The following ULK4 variants were observed in gnomAD, a reference collection of about 807,000 sequenced individuals.
ULK4 encodes inactive serine/threonine-protein kinase ULK4.
ULK4 carries 133 observed loss-of-function variants against 160.6 expected under a neutral mutation model. That is an observed-to-expected ratio of 0.83 (90% confidence interval 0.72 to 0.96). The LOEUF is 0.96. ULK4 is among the 40% of genes least tolerant of loss of function. The pLI, the probability that ULK4 is intolerant of heterozygous loss-of-function variation, is 0.00. For missense variants in ULK4, 1,580 were observed against 1,499.5 expected, an observed-to-expected ratio of 1.05 and a Z score of -0.89; for synonymous variants, 534 against 539.8, an observed-to-expected ratio of 0.99 and a Z score of 0.15.
chr3:41,825,117 G>A (rs560739092), intron 18 of ULK4, among the ~76,000 whole-genome samples: 2 of 152,240 alleles, frequency 1.3e-5, no homozygotes, highest in African/African-American at 2.4e-5. Flanking sequence ...TCTGTTAGAA[G>A]GAAAACTAAC....
chr3:41,408,901 T>C (rs554380670), intron 34 of ULK4, among the ~76,000 whole-genome samples: 50 of 152,050 alleles, frequency 3.3e-4, no homozygotes, highest in Admixed American at 6.5e-4. Flanking sequence ...ACTGGACATA[T>C]AAAAAAATGA....
At chr3:41,272,756 A>G (rs984318130) in intron 35 of ULK4, among the ~76,000 whole-genome samples, 1 of 152,154 alleles carries the variant, frequency 6.6e-6, no homozygotes, top group Admixed American at 6.5e-5. Context: ...TAGGACACTT[A>G]AAGTTATCCA....
chr3:41,643,443 T>C (rs541017215), intron 30 of ULK4, among the ~76,000 whole-genome samples: 5 of 152,350 alleles, frequency 3.3e-5, no homozygotes, highest in South Asian at 2.1e-4. Context: ...ATTTATTAAA[T>C]AGGAAATCCT....
intron 16 of ULK4, among the ~76,000 whole-genome samples, chr3:41,885,749 C>A (rs773265390): frequency 2.4e-4 from 37 of 151,770 alleles, no homozygotes; most frequent in Non-Finnish European, 3.1e-4. Flanking sequence ...GTGGTGCAAT[C>A]TCCGCTCACT....
chr3:41,781,331 G>A (rs1575698710), intron 21 of ULK4, among the ~76,000 whole-genome samples: 1 of 151,146 alleles, frequency 6.6e-6, no homozygotes, highest in African/African-American at 2.4e-5. Context: ...GCAGGAGAAT[G>A]GCGTGAACCC....
At chr3:41,308,529 T>C (rs1378190136) in intron 35 of ULK4, among the ~76,000 whole-genome samples, 2 of 151,836 alleles carry the variant, frequency 1.3e-5, no homozygotes, top group African/African-American at 4.8e-5. Context: ...CTGGAAATAT[T>C]TGAAAGAAAA....
intron 25 of ULK4, among the ~76,000 whole-genome samples, chr3:41,712,212 G>C (rs2037122311): frequency 6.6e-6 from 1 of 152,144 alleles, no homozygotes; most frequent in South Asian, 2.1e-4. Flanking sequence ...AATGTCTGTA[G>C]GTCAAATAGG....
At chr3:41,277,726 T>C (rs899115036) in intron 35 of ULK4, 3 of 152,202 alleles carry the variant, frequency 2.0e-5, no homozygotes, top group Non-Finnish European at 4.4e-5. Context: ...CTCTTCAGCA[T>C]AGTACTGGAA....
rs577275405 is a variant in ULK4 at position 41,505,589 on chromosome 3, A to G, written c.3227-42336T>C. On this transcript the variant is annotated intron_variant, in intron 32 of 36. Coordinates refer to ENST00000301831, the MANE Select transcript of ULK4 (RefSeq NM_017886.4). ...AAATTAAATCATCTTTAAATTTTTT[A>G]CTGATTTATAATTGGCAGAAACCAG... Among the ~76,000 whole-genome samples, 50 of 152,252 alleles carry G rather than the reference A, an allele frequency of 3.3e-4. 1 individual carries two copies. Among genetic ancestry groups the G allele is most frequent in the African/African-American group, 1.2e-3 (48 of 41,568 alleles).
At chr3:41,524,927 ACT>A (rs1450300579) in intron 32 of ULK4, among the ~76,000 whole-genome samples, 2 of 152,040 alleles carry the variant, frequency 1.3e-5, no homozygotes. Flanking sequence ...ATAGAGCAAG[ACT>A]CTGTCTCCAA....
intron 35 of ULK4, among the ~76,000 whole-genome samples, chr3:41,385,743 G>C (rs779199423): frequency 6.6e-6 from 1 of 152,076 alleles, no homozygotes; most frequent in Non-Finnish European, 1.5e-5. Flanking sequence ...TGTGTAGTTG[G>C]AAAAACACAA....
At chr3:41,882,882 G>A (rs1192143953) in intron 17 of ULK4, among the ~76,000 whole-genome samples, 4 of 152,054 alleles carry the variant, frequency 2.6e-5, no homozygotes, top group Non-Finnish European at 5.9e-5. Flanking sequence ...TGGTAATACT[G>A]CCCTAGATGC....
At chr3:41,540,253 T>C (rs1250953018) in intron 32 of ULK4, among the ~76,000 whole-genome samples, 2 of 150,424 alleles carry the variant, frequency 1.3e-5, no homozygotes, top group Non-Finnish European at 3.0e-5. Context: ...GCGTTCGCAT[T>C]GTTCAACTCC....
intron 20 of ULK4, among the ~76,000 whole-genome samples, chr3:41,791,140 T>C (rs982805340): frequency 6.6e-6 from 1 of 152,234 alleles, no homozygotes; most frequent in African/African-American, 2.4e-5. Context: ...AAAAACCTTT[T>C]TCTCTCCAAG....
intron 35 of ULK4, among the ~76,000 whole-genome samples, chr3:41,281,143 C>T (rs1457338121): frequency 6.6e-6 from 1 of 152,130 alleles, no homozygotes; most frequent in Admixed American, 6.6e-5. Flanking sequence ...ATAACAGGTT[C>T]TGAAATTGAG....
chr3:41,622,520 T>C (rs2125692615), intron 30 of ULK4, among the ~76,000 whole-genome samples: 3 of 148,702 alleles, frequency 2.0e-5, no homozygotes, highest in Middle Eastern at 6.8e-3. Flanking sequence ...CTGCATGTTC[T>C]CACTCATAAA....
intron 32 of ULK4, among the ~76,000 whole-genome samples, chr3:41,465,571 T>G (rs2083810433): frequency 1.3e-5 from 2 of 152,212 alleles, no homozygotes; most frequent in Non-Finnish European, 1.5e-5. Flanking sequence ...CTAATAGTCC[T>G]TCCTCTACTT....
At chr3:41,449,704 GA>G (rs1212801779) in intron 34 of ULK4, among the ~76,000 whole-genome samples, 2 of 152,016 alleles carry the variant, frequency 1.3e-5, no homozygotes, top group Non-Finnish European at 2.9e-5. Context: ...TGTACTTTGT[GA>G]AAGGAAGAAA....
chr3:41,438,328 T>C (rs938405421), intron 34 of ULK4, among the ~76,000 whole-genome samples: 1 of 152,124 alleles, frequency 6.6e-6, no homozygotes, highest in Non-Finnish European at 1.5e-5. Context: ...TATTCATGGA[T>C]CCAACAATTA....
Sources: allele counts gnomAD v4.1 joint callset (sites outside exome capture counted in the v4.1 genomes callset), GRCh38; gene constraint gnomAD v4.1.1; transcripts MANE v1.5; gene names NCBI Gene and HGNC (gene_info 2026-07-23, HGNC 2026-07-21).